The following ADGRG2 variants were observed in gnomAD, a reference collection of about 807,000 sequenced individuals.
ADGRG2 encodes G protein-coupled receptor 64.
ADGRG2 carries 26 observed loss-of-function variants against 74.1 expected under a neutral mutation model. That is an observed-to-expected ratio of 0.35 (90% CI 0.26 to 0.49). The LOEUF (loss-of-function observed/expected upper bound fraction) is 0.49, where lower values mean the gene tolerates loss of function less well. Ranked by LOEUF, ADGRG2 falls within the 20% of genes least tolerant of loss-of-function variation. ADGRG2 has a pLI of 0.99. For synonymous variants in ADGRG2, 296 were observed against 295.2 expected (o/e 1.00, Z -0.03); for missense variants, 619 against 763.1 (o/e 0.81, Z 2.22).
Position 19,002,960 on chromosome X carries a change from A to G in ADGRG2, c.2116T>C (p.Leu706=). The change falls in exon 24 of 29, where the codon TTG becomes CTG. Residue 706 remains leucine (L), a synonymous_variant. Transcript: ENST00000379869. Reference sequence around the variant, plus strand: ...AGGCCCATCCATGTGAATGAGACCAAGAGAAAATAATGAAGAAATACAGCC... The same window carrying G: ...AGGCCCATCCATGTGAATGAGACCAGGAGAAAATAATGAAGAAATACAGCC... ...SVAVFLHYFL[L]VSFTWMGLEA... 1 of 1,209,244 alleles carries G rather than the reference A, an allele frequency of 8.3e-7. No individual in the cohort carries two copies. Among genetic ancestry groups the G allele is most frequent in the South Asian group, 1.8e-5 (1 of 56,931 alleles).
intron 1 of ADGRG2, among the ~76,000 whole-genome samples, chrX:19,090,945 G>T (rs2062008266): frequency 9.0e-6 from 1 of 111,426 alleles, no homozygotes; most frequent in African/African-American, 3.3e-5. Context: ...AAGACAGGGG[G>T]ATCTGACCTA....
At chrX:19,086,472 G>A (rs1180083544) in intron 1 of ADGRG2, among the ~76,000 whole-genome samples, 1 of 110,917 alleles carries the variant, frequency 9.0e-6, no homozygotes, top group Non-Finnish European at 1.9e-5. Context: ...TAATACCAGC[G>A]TGACCCAAAA....
intron 1 of ADGRG2, among the ~76,000 whole-genome samples, chrX:19,089,014 G>A (rs140466910): frequency 1.0e-3 from 113 of 111,516 alleles, no homozygotes; most frequent in African/African-American, 3.6e-3. Context: ...CTTAACTCCA[G>A]GAAATAAAAG....
In ADGRG2 at chrX:19,006,102, C is replaced by A; in HGVS notation, c.1739G>T (p.Gly580Val). 2.5e-6 allele frequency: 3 copies of A among 1,195,917 alleles called. No individual in the cohort carries two copies. Among genetic ancestry groups the A allele is most frequent in the Non-Finnish European group, 2.3e-6 (2 of 881,187 alleles). Residue 580 changes from glycine (G) to valine (V), a missense_variant, in exon 22 of 29, where the codon GGC becomes GTC. Around this residue, in one of 3 missense-constraint regions of ADGRG2, gnomAD observed 221 missense variants for 340.6 expected, o/e 0.65. Coordinates refer to ENST00000379869, the MANE Select transcript of ADGRG2 (RefSeq NM_001079858.3). Reference protein sequence around the residue: ...CVFWDLGRNGGRGGWSDNGCS... With the variant: ...CVFWDLGRNGVRGGWSDNGCS... ...GCCATTGTCTGACCAGCCTCCTCTG[C>A]CACCTGTTGGCATTGGGAAGAACAT...
chrX:19,037,914 C>A (rs1359010072), intron 4 of ADGRG2, among the ~76,000 whole-genome samples: 1 of 111,757 alleles, frequency 8.9e-6, no homozygotes, highest in Non-Finnish European at 1.9e-5. Flanking sequence ...AGGAACCAGA[C>A]CAAAATACAA....
intron 9 of ADGRG2, among the ~76,000 whole-genome samples, chrX:19,028,596 T>G (rs137871865): frequency 9.0e-6 from 1 of 110,536 alleles, no homozygotes; most frequent in Non-Finnish European, 1.9e-5. Flanking sequence ...CTGAGTCACA[T>G]TGAAAGAAGA....
At chrX:19,078,056 C>T (rs1335610658) in intron 2 of ADGRG2, among the ~76,000 whole-genome samples, 1 of 111,828 alleles carries the variant, frequency 8.9e-6, no homozygotes, top group Non-Finnish European at 1.9e-5. Flanking sequence ...ACAACTGCAG[C>T]GCGCATAATC....
At chrX:19,016,893 A>C (rs1370447526) in intron 15 of ADGRG2, among the ~76,000 whole-genome samples, 1 of 109,179 alleles carries the variant, frequency 9.2e-6, no homozygotes, top group East Asian at 2.9e-4. Flanking sequence ...TGCCCGGCTA[A>C]TTTTTAAAAA....
chrX:19,090,159 G>T (rs1228789037), intron 1 of ADGRG2, among the ~76,000 whole-genome samples: 1 of 111,397 alleles, frequency 9.0e-6, no homozygotes, highest in Admixed American at 9.6e-5. Flanking sequence ...ACTCCCTCTG[G>T]AACCCACATA....
chrX:19,025,524 G>C (rs1262961409), intron 11 of ADGRG2, among the ~76,000 whole-genome samples: 1 of 111,203 alleles, frequency 9.0e-6, no homozygotes, highest in Non-Finnish European at 1.9e-5. Context: ...AATGAACTCA[G>C]TTCTATTTCT....
intron 17 of ADGRG2, among the ~76,000 whole-genome samples, chrX:19,010,358 C>T (rs1219554701): frequency 1.8e-5 from 2 of 110,750 alleles, no homozygotes; most frequent in Admixed American, 9.7e-5. Flanking sequence ...TGACCTCAAG[C>T]GATCCGCCCA....
intron 1 of ADGRG2, among the ~76,000 whole-genome samples, chrX:19,099,179 A>T (rs1460012173): frequency 2.7e-5 from 3 of 109,794 alleles, no homozygotes; most frequent in African/African-American, 1.0e-4. Context: ...GCGAGACTCC[A>T]TCTAAAAAAG....
At chrX:19,025,937 T>C (rs968582433) in intron 11 of ADGRG2, among the ~76,000 whole-genome samples, 1 of 111,652 alleles carries the variant, frequency 9.0e-6, no homozygotes, top group Non-Finnish European at 1.9e-5. Flanking sequence ...AAGTTTCAGA[T>C]CCTTCCAGAG....
chrX:19,046,638 A>C (rs2061194490), intron 3 of ADGRG2, among the ~76,000 whole-genome samples: 1 of 112,499 alleles, frequency 8.9e-6, no homozygotes, highest in Non-Finnish European at 1.9e-5. Context: ...GAAATGTTGC[A>C]AAGATGAAGA....
At chrX:19,082,072 C>CAA (rs57534658) in intron 2 of ADGRG2, among the ~76,000 whole-genome samples, 6,705 of 21,072 alleles carry the variant, frequency 0.32, 1,177 homozygotes, top group East Asian at 0.34. Context: ...GACCCTGTCT[C>CAA]AAAAAAAAAA....
intron 26 of ADGRG2, among the ~76,000 whole-genome samples, chrX:18,996,541 G>A (rs1438333030): frequency 9.1e-6 from 1 of 109,628 alleles, no homozygotes; most frequent in Non-Finnish European, 1.9e-5. Flanking sequence ...CCGTTTCCAA[G>A]CTCTGTCAAA....
chrX:19,104,746 G>A (rs958964184), intron 1 of ADGRG2, among the ~76,000 whole-genome samples: 1 of 107,726 alleles, frequency 9.3e-6, no homozygotes, highest in Non-Finnish European at 1.9e-5. Context: ...GTGAAACCCC[G>A]TCTCTACTAA....
rs968523182 is a variant in ADGRG2 at position 19,027,142 on chromosome X, C to T, written c.470+77G>A. 9 of 722,412 alleles carry T rather than the reference C, an allele frequency of 1.2e-5. No homozygotes were observed. In the African/African-American group the frequency reaches 1.5e-4, roughly 12 times the overall value. 59.5% of individuals were successfully genotyped at this position (722,412 alleles called of 1,213,427 possible). A position where few individuals can be genotyped will look rare whatever the true frequency, so the allele number is the denominator to read the frequency against. On this transcript the variant is annotated intron_variant, in intron 11 of 28. Coordinates refer to ENST00000379869, the MANE Select transcript of ADGRG2 (RefSeq NM_001079858.3). ...TGGTCTCTTTCCCATTCTCAGTTTT[C>T]AATTGCAAACATGGCTCAAAAAGTA...
intron 3 of ADGRG2, among the ~76,000 whole-genome samples, chrX:19,056,076 T>C (rs1178639634): frequency 9.1e-6 from 1 of 110,284 alleles, no homozygotes; most frequent in Non-Finnish European, 1.9e-5. Context: ...GTGGCACACA[T>C]CACTTATACC....
Sources: gnomAD v4.1 joint callset for allele counts (sites outside exome capture counted in the v4.1 genomes callset) on GRCh38, gnomAD v4.1.1 for gene constraint, gnomAD v4.1.1 regional missense constraint, MANE v1.5 for transcripts, NCBI Gene and HGNC (gene_info 2026-07-23, HGNC 2026-07-21) for gene names.